ZNF735: variants seen among roughly 807,000 people sequenced by gnomAD.
ZNF735 encodes zinc finger protein 735.
A neutral mutation model predicts 13.4 loss-of-function variants in ZNF735; 11 were observed. The observed-to-expected ratio is 0.82, with a 90% CI of 0.52 to 1.36. The LOEUF (loss-of-function observed/expected upper bound fraction) is 1.36. Ranked by LOEUF, ZNF735 falls within the 40% of genes most tolerant of loss-of-function variation. The pLI, the probability that ZNF735 is intolerant of heterozygous loss-of-function variation, is 0.00. For synonymous variants in ZNF735, 171 were observed against 162.6 expected (o/e 1.05, Z -0.39); for missense variants, 500 against 484.6 (o/e 1.03, Z -0.30).
At chr7:64,220,237 C>T in exon 4 of ZNF735, 3 of 1,612,536 alleles carry the variant, frequency 1.9e-6, no homozygotes, top group Middle Eastern at 1.7e-4. Context: ...GCATTCAAGT[C>T]TTGCTAAACA....
intron 1 of ZNF735, among the ~76,000 whole-genome samples, chr7:64,210,295 T>C (rs1444783634): frequency 6.6e-6 from 1 of 152,196 alleles, no homozygotes; most frequent in Non-Finnish European, 1.5e-5. Context: ...CAAAAAAATA[T>C]AGCATTTCAG....
At chr7:64,207,354 C>T (rs1177085413) in intron 1 of ZNF735, 113 bp downstream of exon 1, 1 of 1,595,926 alleles carries the variant, frequency 6.3e-7, no homozygotes, top group Non-Finnish European at 8.6e-7. Context: ...GTCTGAGGAC[C>T]CAAATCCTCC....
chr7:64,217,480 T>C (rs543312629), intron 3 of ZNF735, among the ~76,000 whole-genome samples: 4 of 152,240 alleles, frequency 2.6e-5, no homozygotes, highest in Admixed American at 1.3e-4. Context: ...TTTTTTTAAT[T>C]GATTTTTTAT....
chr7:64,219,579 T>G, exon 4 of ZNF735: 1 of 1,579,606 alleles, frequency 6.3e-7, no homozygotes, highest in East Asian at 2.3e-5. Flanking sequence ...ATAGACACAA[T>G]GCAAGATATA....
chr7:64,214,248 ATT>A, intron 3 of ZNF735, 140 bp downstream of exon 3: 2 of 913,964 alleles, frequency 2.2e-6, no homozygotes, highest in Non-Finnish European at 3.1e-6. Flanking sequence ...TTTATTTTTT[ATT>A]TTTTTTATTT....
rs756370737 is a variant in ZNF735 at position 64,219,425 on chromosome 7, T to G, written c.374T>G (p.Leu125Ter). ...AAATGTGGACATGAGAATTTACAAT[T>G]AAAAAAATGTTGTAAAAGAGTAGAT... is the stretch of plus-strand genomic sequence containing the variant. The change falls in exon 4 of 4, where the codon TTA becomes TGA. Residue 125 changes from leucine to a stop codon, truncating the protein, a stop_gained. Transcript: ENST00000429565. LOFTEE classifies it low-confidence loss of function (END_TRUNC). The G allele has an allele frequency of 3.1e-6, 5 of 1,613,840 alleles. No individual in the cohort carries two copies. The South Asian group carries it at 5.5e-5, about 18-fold the overall frequency.
At chr7:64,215,916 G>T (rs1787414315) in intron 3 of ZNF735, among the ~76,000 whole-genome samples, 1 of 151,984 alleles carries the variant, frequency 6.6e-6, no homozygotes, top group African/African-American at 2.4e-5. Flanking sequence ...TATTGTTATT[G>T]TTGCTTTTTA....
chr7:64,219,858 C>T (rs374391910), exon 4 of ZNF735: 153 of 1,613,836 alleles, frequency 9.5e-5, no homozygotes, highest in South Asian at 1.6e-4. Flanking sequence ...AGAAACCCTA[C>T]GCATGTGAAG....
intron 3 of ZNF735, 141 bp from the exon 4 acceptor site, chr7:64,219,173 A>G (rs1265653017): frequency 2.8e-6 from 3 of 1,081,312 alleles, no homozygotes; most frequent in East Asian, 5.2e-5. Flanking sequence ...ACATTTATAT[A>G]TCTATGAAGG....
chr7:64,210,433 A>G (rs904763144), intron 1 of ZNF735, among the ~76,000 whole-genome samples: 9 of 152,180 alleles, frequency 5.9e-5, no homozygotes, highest in Non-Finnish European at 1.2e-4. Flanking sequence ...GGAAAGCACA[A>G]TCAGCATTTA....
exon 3 of ZNF735, chr7:64,214,082 G>T: frequency 4.4e-6 from 7 of 1,600,630 alleles, no homozygotes; most frequent in Non-Finnish European, 5.9e-6. Flanking sequence ...AATATAAAGA[G>T]AAATGAGATG....
chr7:64,213,705 A>T (rs1787386821), intron 2 of ZNF735, among the ~76,000 whole-genome samples: 1 of 152,214 alleles, frequency 6.6e-6, no homozygotes, highest in Non-Finnish European at 1.5e-5. Context: ...TCACACCTGT[A>T]ATCCCAGCAC....
exon 4 of ZNF735, chr7:64,219,531 T>C (rs747319260): frequency 6.2e-6 from 10 of 1,600,452 alleles, no homozygotes; most frequent in Non-Finnish European, 8.5e-6. Context: ...TTCAGACTCA[T>C]AAATGTGTCA....
intron 1 of ZNF735, among the ~76,000 whole-genome samples, chr7:64,210,128 A>T (rs1382416753): frequency 6.6e-6 from 1 of 152,168 alleles, no homozygotes; most frequent in Non-Finnish European, 1.5e-5. Flanking sequence ...TAAATCACAA[A>T]ATGTGTTATT....
exon 4 of ZNF735, chr7:64,220,067 C>A: frequency 6.2e-7 from 1 of 1,613,378 alleles, no homozygotes; most frequent in South Asian, 1.1e-5. Context: ...TGCTCCTCGA[C>A]TCTTAAGACA....
intron 1 of ZNF735, among the ~76,000 whole-genome samples, chr7:64,207,712 G>A (rs1787305867): frequency 6.6e-6 from 1 of 152,134 alleles, no homozygotes; most frequent in African/African-American, 2.4e-5. Context: ...GAGCGGGCCA[G>A]GCGCGGTGGC....
chr7:64,219,246 T>A (rs1399540601), intron 3 of ZNF735, 68 bp from the exon 4 acceptor site: 1 of 1,535,270 alleles, frequency 6.5e-7, no homozygotes. Flanking sequence ...ATTTTATATA[T>A]TTGATTTGTA....
At chr7:64,216,411 G>C (rs1298205166) in intron 3 of ZNF735, among the ~76,000 whole-genome samples, 1 of 152,072 alleles carries the variant, frequency 6.6e-6, no homozygotes, top group Non-Finnish European at 1.5e-5. Flanking sequence ...AACAAATTAA[G>C]TTGTCACTTA....
chr7:64,218,091 C>T (rs1367725570), intron 3 of ZNF735, among the ~76,000 whole-genome samples: 2 of 152,042 alleles, frequency 1.3e-5, no homozygotes, highest in African/African-American at 4.8e-5. Flanking sequence ...CTCTTTTCAG[C>T]ATTTTATTTA....
Sources: gnomAD v4.1 joint callset for allele counts (sites outside exome capture counted in the v4.1 genomes callset) on GRCh38, gnomAD v4.1.1 for gene constraint, MANE v1.5 for transcripts, NCBI Gene and HGNC (gene_info 2026-07-23, HGNC 2026-07-21) for gene names.